Variants in FRMPD4 observed in about 807,000 individuals in gnomAD.
The protein encoded by FRMPD4 is FERM and PDZ domain-containing protein 4.
FRMPD4 carries 22 observed loss-of-function variants against 94.1 expected under a neutral mutation model. The ratio of observed to expected loss-of-function variants is 0.23; its 90% CI spans 0.17 to 0.33. The LOEUF (loss-of-function observed/expected upper bound fraction) is 0.33. FRMPD4 is among the 10% of genes least tolerant of loss of function. The pLI, the probability that FRMPD4 is intolerant of heterozygous loss-of-function variation, is 1.00. For missense variants in FRMPD4, 1,111 were observed against 1,339.9 expected, an observed-to-expected ratio of 0.83 and a Z score of 2.67; for synonymous variants, 631 against 548.6, an observed-to-expected ratio of 1.15 and a Z score of -2.10.
At chrX:12,534,858 G>T (rs925265668) in intron 2 of FRMPD4, among the ~76,000 whole-genome samples, 2 of 111,943 alleles carry the variant, frequency 1.8e-5, no homozygotes, top group Non-Finnish European at 3.8e-5. Context: ...GTGGGCTTTT[G>T]AGTTAATCCT....
chrX:12,419,957 C>A (rs542338064), intron 1 of FRMPD4, among the ~76,000 whole-genome samples: 1 of 111,461 alleles, frequency 9.0e-6, no homozygotes, highest in Non-Finnish European at 1.9e-5. Context: ...CTTTGTTTTC[C>A]GTTACCGTCT....
At chrX:11,983,023 G>A (rs747515281) in intron 3 of FRMPD4, among the ~76,000 whole-genome samples, 1 of 111,444 alleles carries the variant, frequency 9.0e-6, no homozygotes, top group Non-Finnish European at 1.9e-5. Context: ...TTTAGTTTCT[G>A]CAGAAAATAT....
intron 3 of FRMPD4, among the ~76,000 whole-genome samples, chrX:11,902,851 G>T (rs897386145): frequency 8.9e-6 from 1 of 111,854 alleles, no homozygotes; most frequent in Non-Finnish European, 1.9e-5. Context: ...AAACGTGAGG[G>T]CAGGAAGACT....
intron 1 of FRMPD4, among the ~76,000 whole-genome samples, chrX:11,848,791 C>T (rs2053601203): frequency 9.0e-6 from 1 of 110,964 alleles, no homozygotes; most frequent in Non-Finnish European, 1.9e-5. Context: ...TTCATATTCC[C>T]CTGTAATTGA....
At chrX:12,251,580 G>T (rs752790206) in intron 1 of FRMPD4, among the ~76,000 whole-genome samples, 1 of 111,931 alleles carries the variant, frequency 8.9e-6, no homozygotes, top group East Asian at 2.8e-4. Context: ...CCAGGGTTCT[G>T]TTCTTCTTGG....
intron 3 of FRMPD4, among the ~76,000 whole-genome samples, chrX:12,003,416 T>TG (rs2054534560): frequency 3.6e-5 from 4 of 110,400 alleles, no homozygotes; most frequent in East Asian, 2.8e-4. Flanking sequence ...TGTGTGTGTG[T>TG]TTGTGTGTAT....
intron 3 of FRMPD4, among the ~76,000 whole-genome samples, chrX:11,906,618 T>A (rs1307170574): frequency 9.0e-6 from 1 of 111,296 alleles, no homozygotes; most frequent in Non-Finnish European, 1.9e-5. Flanking sequence ...TAATGAGTTG[T>A]TTTTCTCTTG....
intron 3 of FRMPD4, among the ~76,000 whole-genome samples, chrX:11,988,137 C>T (rs6640853): frequency 0.065 from 7,214 of 111,244 alleles, 259 homozygotes; most frequent in East Asian, 0.24. Flanking sequence ...CAAAGCTATG[C>T]TGAGCAAAAG....
Position 12,482,289 on chromosome X carries a change from G to C in FRMPD4, c.42-16391G>C, listed in dbSNP as rs753995117. Among the ~76,000 whole-genome samples the C allele has an allele frequency of 1.7e-4, 19 of 112,035 alleles. 1 individual carries two copies. The East Asian group carries it at 3.9e-3, about 23-fold the overall frequency. On this transcript the variant is annotated intron_variant, in intron 1 of 16. Transcript: ENST00000675598. The stretch of plus-strand genomic sequence containing the variant: ...ACTGTAAACCTGATGCGGAAGAAGA[G>C]ACTCATTTAAATGTCCAAGTTAGAT...
At chrX:12,249,859 C>T (rs957388207) in intron 1 of FRMPD4, among the ~76,000 whole-genome samples, 1 of 111,444 alleles carries the variant, frequency 9.0e-6, no homozygotes, top group Non-Finnish European at 1.9e-5. Flanking sequence ...AAAATCCCAA[C>T]CTAGTCTGGT....
intron 1 of FRMPD4, among the ~76,000 whole-genome samples, chrX:12,372,899 G>A (rs889285050): frequency 8.9e-6 from 1 of 111,894 alleles, no homozygotes; most frequent in African/African-American, 3.3e-5. Flanking sequence ...GTACTGCAGG[G>A]CCGAACACCA....
chrX:12,226,382 A>T (rs1485329724), intron 1 of FRMPD4, among the ~76,000 whole-genome samples: 1 of 112,038 alleles, frequency 8.9e-6, no homozygotes, highest in Non-Finnish European at 1.9e-5. Context: ...AGTCATCCTG[A>T]GGAGGGGCAC....
intron 5 of FRMPD4, among the ~76,000 whole-genome samples, chrX:12,678,832 C>T (rs953682804): frequency 3.6e-5 from 4 of 111,991 alleles, no homozygotes; most frequent in African/African-American, 6.5e-5. Flanking sequence ...TCTCAAAAAA[C>T]AAAAAAGAGT....
intron 2 of FRMPD4, among the ~76,000 whole-genome samples, chrX:12,578,674 C>G (rs1458792703): frequency 3.6e-5 from 4 of 111,990 alleles, no homozygotes; most frequent in Non-Finnish European, 7.5e-5. Flanking sequence ...ATTAATTGCA[C>G]TCGCTAACAT....
chrX:12,699,114 A>G (rs2098760665), intron 9 of FRMPD4, among the ~76,000 whole-genome samples: 3 of 112,149 alleles, frequency 2.7e-5, no homozygotes, highest in African/African-American at 6.5e-5. Flanking sequence ...TTGATTCCTC[A>G]CTGTGCCAAT....
intron 1 of FRMPD4, among the ~76,000 whole-genome samples, chrX:12,330,461 A>C (rs959011493): frequency 1.8e-5 from 2 of 111,580 alleles, no homozygotes; most frequent in Non-Finnish European, 3.8e-5. Context: ...TTTCCAAAGT[A>C]GGTTGCCTGA....
At chrX:12,539,529 A>G (rs2058380195) in intron 2 of FRMPD4, among the ~76,000 whole-genome samples, 1 of 112,260 alleles carries the variant, frequency 8.9e-6, no homozygotes, top group African/African-American at 3.2e-5. Flanking sequence ...TGTTAAGGGC[A>G]GCCAGAAAGA....
chrX:11,983,323 C>A (rs909121824), intron 3 of FRMPD4, among the ~76,000 whole-genome samples: 1 of 112,067 alleles, frequency 8.9e-6, no homozygotes, highest in Non-Finnish European at 1.9e-5. Context: ...GTCTAGTATA[C>A]TTCCATTACA....
chrX:11,967,756 G>GTGTGT (rs36019385), intron 3 of FRMPD4, among the ~76,000 whole-genome samples: 80 of 65,556 alleles, frequency 1.2e-3, no homozygotes, highest in Non-Finnish European at 2.0e-3. Flanking sequence ...GTGTGTGTGT[G>GTGTGT]TTTTTTTTTT....
Sources: allele counts gnomAD v4.1 joint callset (sites outside exome capture counted in the v4.1 genomes callset), GRCh38; gene constraint gnomAD v4.1.1; transcripts MANE v1.5; gene names NCBI Gene and HGNC (gene_info 2026-07-23, HGNC 2026-07-21).